The following NTMT1 variants were observed in gnomAD, a reference collection of about 807,000 sequenced individuals.
NTMT1 encodes the protein N-terminal Xaa-Pro-Lys N-methyltransferase 1, also known as N-terminal RCC1 methyltransferase.
Under a neutral mutation model 17.5 loss-of-function variants are expected in NTMT1, and 8 were observed. The ratio of observed to expected loss-of-function variants is 0.46; its 90% CI spans 0.27 to 0.82. The LOEUF (loss-of-function observed/expected upper bound fraction) is 0.82. Among genes scored for constraint, NTMT1 ranks in the 40% least tolerant of loss-of-function variants. NTMT1 has a pLI of 0.15. For synonymous variants in NTMT1, 128 were observed against 126.8 expected (o/e 1.01, Z -0.06); for missense variants, 221 against 303.5 (o/e 0.73, Z 2.02).
At chr9:129,618,876 T>G (rs1470737940) in intron 1 of NTMT1, among the ~76,000 whole-genome samples, 1 of 150,300 alleles carries the variant, frequency 6.7e-6, no homozygotes, top group Non-Finnish European at 1.5e-5. Context: ...GTGTTTTTTT[T>G]TTTTTTTTTG....
rs750529446 is a variant in NTMT1, at chr9:129,634,191, C to A, written c.300C>A (p.Ala100=). The change falls in exon 3 of 4, where the codon GCC becomes GCA. Residue 100 remains alanine (A), a synonymous_variant. Coordinates refer to ENST00000372483, the MANE Select transcript of NTMT1 (RefSeq NM_014064.4). ...VDITEDFLVQ[A]KTYLGEEGKR... ...TAACGGAGGACTTCCTGGTTCAAGC[C>A]AAGACCTACCTGGGGGAGGAGGGCA... The A allele has an allele frequency of 5.6e-6, 9 of 1,614,156 alleles. No homozygotes were observed. The East Asian group carries it at 1.6e-4, about 28-fold the overall frequency.
upstream of NTMT1, among the ~76,000 whole-genome samples, chr9:129,625,089 A>G (rs1349040908): frequency 6.6e-6 from 1 of 152,216 alleles, no homozygotes; most frequent in Non-Finnish European, 1.5e-5. Context: ...GAAGTTGAGT[A>G]ATTATTACGT....
Position 129,614,777 on chromosome 9 carries a change from C to A in NTMT1, c.-55+5599C>A, listed in dbSNP as rs960752550. Among the ~76,000 whole-genome samples the A allele has an allele frequency of 1.3e-5, 2 of 152,120 alleles. No homozygotes were observed. The highest frequency in any genetic ancestry group is 4.8e-5 in the African/African-American group (2 of 41,426). ...ATTAGCCAGGGGCGGTGGCGCATGC[C>A]TGTAATCCCAGGTACTCAGGAGGCT... On this transcript the variant is annotated intron_variant, in intron 1 of 3. Coordinates refer to the NTMT1 transcript ENST00000372486. This position sits in a 1 kb window ranked among gnomAD's most constrained non-coding sequence, Gnocchi z 4.4.
Position 129,613,296 on chromosome 9 carries a change from C to G in NTMT1, c.-55+4118C>G. 1 of 1,570,084 alleles carries G rather than the reference C, an allele frequency of 6.4e-7. No homozygotes were observed. Among genetic ancestry groups the G allele is most frequent in the South Asian group, 1.2e-5 (1 of 84,842 alleles). On this transcript the variant is annotated intron_variant, in intron 1 of 3. Transcript: ENST00000372486. The surrounding 1 kb of genome is among the most constrained non-coding windows in gnomAD (Gnocchi z 6.2). ...ATGAGCTTCCTGGACTCTGAGTCCC[C>G]GGCCCACCCATGGCTGGCAGGGCCC... is the stretch of plus-strand genomic sequence containing the variant.
Position 129,620,830 on chromosome 9 carries a change from AG to A in NTMT1, c.-55+11653del, listed in dbSNP as rs1471864976. On this transcript the variant is annotated intron_variant, in intron 1 of 3. Transcript: ENST00000372486. This position sits in a 1 kb window ranked among gnomAD's most constrained non-coding sequence, Gnocchi z 5.8. Reference sequence around the variant, plus strand: ...GGTTGCTGTGACGTTTAAATGAGCAAGTACATGCCAGTCTTAGAACAGCAAG... The same window carrying A: ...GGTTGCTGTGACGTTTAAATGAGCAATACATGCCAGTCTTAGAACAGCAAG... 8.1e-6 allele frequency: 3 copies of A among 372,210 alleles called. No individual in the cohort carries two copies. Among genetic ancestry groups the A allele is most frequent in the African/African-American group, 6.3e-5 (3 of 47,952 alleles). 23.1% of individuals were successfully genotyped at this position (372,210 alleles called of 1,614,324 possible).
chr9:129,615,769 T>C, intron 1 of NTMT1: 1 of 1,109,694 alleles, frequency 9.0e-7, no homozygotes, highest in Non-Finnish European at 1.2e-6. Context: ...GAAGAATGGA[T>C]AACGCCAATC....
intron 1 of NTMT1, among the ~76,000 whole-genome samples, chr9:129,611,721 C>G (rs548218535): frequency 1.3e-5 from 2 of 152,100 alleles, no homozygotes; most frequent in Admixed American, 1.3e-4. Context: ...GAGGCTTGGT[C>G]CCAAGTTTTT....
Position 129,635,579 on chromosome 9 carries a change from T to C in NTMT1, c.*115T>C, listed in dbSNP as rs1831505142. The C allele has an allele frequency of 2.4e-6, 3 of 1,247,214 alleles. No homozygotes were observed. The highest frequency in any genetic ancestry group is 3.3e-6 in the Non-Finnish European group (3 of 897,542). 77.3% of individuals were successfully genotyped at this position (1,247,214 alleles called of 1,614,324 possible). A position where few individuals can be genotyped will look rare whatever the true frequency, so the allele number is the denominator to read the frequency against. Reference sequence around the variant, plus strand: ...GTGAGTGTCGAGGCACCACTAAATATAGCTGTCTGCCGTCCACTCATTATG... The same window carrying C: ...GTGAGTGTCGAGGCACCACTAAATACAGCTGTCTGCCGTCCACTCATTATG... On this transcript the variant is annotated 3_prime_UTR_variant, in exon 4 of 4. Transcript: ENST00000372483.
chr9:129,632,909 G>A, intron 2 of NTMT1, 44 bp downstream of exon 2: 8 of 1,598,884 alleles, frequency 5.0e-6, no homozygotes, highest in Non-Finnish European at 6.8e-6. Context: ...TGTGGCTCTG[G>A]TGGCACTGCC....
At position 129,620,606 on chromosome 9, in the gene NTMT1, C is replaced by A; in HGVS notation, c.-55+11428C>A. ...CCCCGCACTCAGCTCACCGCACCCT[C>A]AGCGCGCGTGGGTGGGGGGCGCCGG... is the stretch of plus-strand genomic sequence containing the variant. On this transcript the variant is annotated intron_variant, in intron 1 of 3. Coordinates refer to the NTMT1 transcript ENST00000372486. The surrounding 1 kb of genome is among the most constrained non-coding windows in gnomAD (Gnocchi z 5.8). 1 of 1,309,752 alleles carries A rather than the reference C, an allele frequency of 7.6e-7. No individual in the cohort carries two copies. Among genetic ancestry groups the A allele is most frequent in the Non-Finnish European group, 9.7e-7 (1 of 1,028,434 alleles). The allele number at this position is 1,309,752 out of a possible 1,614,324, so 81.1% of individuals were successfully genotyped here. A position where few individuals can be genotyped will look rare whatever the true frequency, so the allele number is the denominator to read the frequency against.
rs557674962 is a variant in NTMT1, at chr9:129,635,794, G to A, written c.*330G>A. 38 of 257,222 alleles carry A rather than the reference G, an allele frequency of 1.5e-4. No homozygotes were observed. Among genetic ancestry groups the A allele is most frequent in the African/African-American group, 7.0e-4 (31 of 44,604 alleles). The allele number at this position is 257,222 out of a possible 1,614,324, so 15.9% of individuals were successfully genotyped here. A position where few individuals can be genotyped will look rare whatever the true frequency, so the allele number is the denominator to read the frequency against. On this transcript the variant is annotated 3_prime_UTR_variant, in exon 4 of 4. Transcript: ENST00000372483. ...AACCGATTCCCTGGGCCTCCAGCCC[G>A]GCCTTCCAGCCATGGGCCTGGCTGC...
intron 1 of NTMT1, among the ~76,000 whole-genome samples, chr9:129,618,288 A>G (rs1830490025): frequency 6.6e-6 from 1 of 152,140 alleles, no homozygotes; most frequent in South Asian, 2.1e-4. Context: ...GTAGGTTCCA[A>G]TTCCTAGGCT....
intron 1 of NTMT1, among the ~76,000 whole-genome samples, chr9:129,609,943 G>A: frequency 6.6e-6 from 1 of 151,224 alleles, no homozygotes; most frequent in Non-Finnish European, 1.5e-5. Flanking sequence ...GTATGTGTGT[G>A]GTGTGTGTGT....
At chr9:129,619,591 G>A (rs1395878390) in intron 1 of NTMT1, 3 of 1,614,114 alleles carry the variant, frequency 1.9e-6, no homozygotes, top group Non-Finnish European at 1.7e-6. Context: ...GTGTCTGCTG[G>A]AGCGAAATCT....
At chr9:129,617,955 A>C (rs1830476332) in intron 1 of NTMT1, among the ~76,000 whole-genome samples, 1 of 152,162 alleles carries the variant, frequency 6.6e-6, no homozygotes, top group African/African-American at 2.4e-5. Context: ...AAGCACTGGG[A>C]TTATAGGCAT....
chr9:129,626,158 A>G (rs1159961453), upstream of NTMT1: 1 of 152,190 alleles, frequency 6.6e-6, no homozygotes, highest in African/African-American at 2.4e-5. Context: ...TTGGCGGACA[A>G]AGGCAGCGCG....
intron 2 of NTMT1, chr9:129,633,337 C>T (rs1831294724): frequency 7.5e-6 from 2 of 266,132 alleles, no homozygotes; most frequent in Non-Finnish European, 7.0e-6. Flanking sequence ...CTGGAGGCTG[C>T]TGTTGGCCAC....
rs1830232502 is a variant in NTMT1, at chr9:129,614,157, T to C, written c.-55+4979T>C. Among the ~76,000 whole-genome samples, 1 of 152,114 alleles carries C rather than the reference T, an allele frequency of 6.6e-6. No homozygotes were observed. The highest frequency in any genetic ancestry group is 2.4e-5 in the African/African-American group (1 of 41,406). ...GCACCAACTGCCATTCACATGAAAT[T>C]GTTTCTCTTGGGCTTGTCCTGGCCT... On this transcript the variant is annotated intron_variant, in intron 1 of 3. Transcript: ENST00000372486. The surrounding 1 kb of genome is among the most constrained non-coding windows in gnomAD (Gnocchi z 4.4).
At chr9:129,632,970 G>C in intron 2 of NTMT1, 105 bp downstream of exon 2, 1 of 1,295,516 alleles carries the variant, frequency 7.7e-7, no homozygotes, top group Non-Finnish European at 1.1e-6. Flanking sequence ...CAGGATTGTT[G>C]GCTATCTCTT....
Sources: gnomAD v4.1 joint callset for allele counts (sites outside exome capture counted in the v4.1 genomes callset) on GRCh38, gnomAD v4.1.1 for gene constraint, Gnocchi (gnomAD v3.1) non-coding constraint, MANE v1.5 for transcripts, NCBI Gene and HGNC (gene_info 2026-07-23, HGNC 2026-07-21) for gene names.